IL4I1: variants seen among roughly 807,000 people sequenced by gnomAD.
IL4I1 encodes the protein interleukin 4 induced 1, also known as L-amino-acid oxidase.
IL4I1 carries 24 observed loss-of-function variants against 29.7 expected under a neutral mutation model. That is an observed-to-expected ratio of 0.81 (90% CI 0.59 to 1.14). The LOEUF is 1.14. Among genes scored for constraint, IL4I1 ranks in the 50% most tolerant of loss-of-function variants. IL4I1 has a pLI of 0.00. For missense variants in IL4I1, 686 were observed against 785.6 expected, an observed-to-expected ratio of 0.87 and a Z score of 1.52; for synonymous variants, 371 against 352.5, an observed-to-expected ratio of 1.05 and a Z score of -0.59.
At chr19:49,925,008 T>C (rs184254051) in intron 2 of IL4I1, among the ~76,000 whole-genome samples, 2 of 152,306 alleles carry the variant, frequency 1.3e-5, no homozygotes, top group East Asian at 3.9e-4. Context: ...ACGCCTGTAA[T>C]ACCAGCACTT....
In IL4I1 at chr19:49,889,927, T is replaced by C. The variant is rs2075107288; in HGVS notation, c.1447A>G (p.Thr483Ala). 6.2e-7 allele frequency: 1 copy of C among 1,607,592 alleles called. No homozygotes were observed. Among genetic ancestry groups the C allele is most frequent in the Non-Finnish European group, 8.5e-7 (1 of 1,177,554 alleles). ...TCCACCCAGCCGTGCGGGTAGGCGG[T>C]GTGCTCGCCGGCAAAGTAGATGCGG... ...YGRIYFAGEH[T>A]AYPHGWVETA... Residue 483 changes from threonine to alanine, a missense_variant, in exon 8 of 8, where the codon ACC becomes GCC. By Grantham distance (58) the Thr-to-Ala change is moderately conservative. Transcript: ENST00000391826.
At position 49,921,218 on chromosome 19, in the gene IL4I1, C is replaced by A. The variant is rs193289200; in HGVS notation, c.-228+6476G>T. Among the ~76,000 whole-genome samples, 2 of 152,144 alleles carry A rather than the reference C, an allele frequency of 1.3e-5. No individual in the cohort carries two copies. The highest frequency in any genetic ancestry group is 2.9e-5 in the Non-Finnish European group (2 of 68,024). ...TGGCTCCCATTTATAAATGAGCAAA[C>A]TGAGAAAGGGGAGAGGACTTCAGTC... On this transcript the variant is annotated intron_variant, in intron 2 of 9. Coordinates refer to the IL4I1 transcript ENST00000341114. This position sits in a 1 kb window ranked among gnomAD's most constrained non-coding sequence, Gnocchi z 5.4.
chr19:49,912,722 T>G (rs1174280826), intron 2 of IL4I1, among the ~76,000 whole-genome samples: 2 of 151,940 alleles, frequency 1.3e-5, no homozygotes, highest in Non-Finnish European at 2.9e-5. Flanking sequence ...AAAAATGAGT[T>G]GGCCGTGGTG....
At chr19:49,891,350 C>T in intron 6 of IL4I1, 55 bp downstream of exon 6, 1 of 1,573,762 alleles carries the variant, frequency 6.4e-7, no homozygotes. Flanking sequence ...CTGGGGAAGG[C>T]CTCATGGTCA....
At chr19:49,903,316 G>T (rs993675634) in intron 3 of IL4I1, among the ~76,000 whole-genome samples, 1 of 152,140 alleles carries the variant, frequency 6.6e-6, no homozygotes, top group South Asian at 2.1e-4. Context: ...TTCTTGCCTC[G>T]GGAAACCTTT....
intron 7 of IL4I1, 43 bp downstream of exon 7, chr19:49,890,928 T>TCCCCCCCCCCCCCCCCCCC: frequency 3.2e-6 from 2 of 633,210 alleles, no homozygotes; most frequent in Non-Finnish European, 4.9e-6. Flanking sequence ...TTTCCCTGAT[T>TCCCCCCCCCCCCCCCCCCC]GCCCCCCGCC....
At chr19:49,912,108 T>C (rs2075479016) in intron 2 of IL4I1, among the ~76,000 whole-genome samples, 1 of 151,414 alleles carries the variant, frequency 6.6e-6, no homozygotes. Flanking sequence ...TTTGCAACTA[T>C]GAAAAAACTA....
chr19:49,912,479 C>T (rs1486293102), intron 2 of IL4I1, among the ~76,000 whole-genome samples: 1 of 152,120 alleles, frequency 6.6e-6, no homozygotes, highest in East Asian at 1.9e-4. Context: ...AACAGTTCAC[C>T]ATTTATTAAG....
In IL4I1 at chr19:49,889,937, G is replaced by C. The variant is rs111587296; in HGVS notation, c.1437C>G (p.Ala479=). 86 of 1,604,184 alleles carry C rather than the reference G, an allele frequency of 5.4e-5. 4 individuals carry two copies. Among genetic ancestry groups the C allele is most frequent in the Middle Eastern group, 5.0e-4 (3 of 6,050 alleles). The change falls in exon 8 of 8, where the codon GCC becomes GCG. Residue 479 remains alanine (A), a synonymous_variant. Transcript: ENST00000391826. The stretch of plus-strand genomic sequence containing the variant: ...CGTGCGGGTAGGCGGTGTGCTCGCC[G>C]GCAAAGTAGATGCGGCCATAAGGGA... ...WTVPYGRIYF[A]GEHTAYPHGW... is the part of the protein sequence containing the mutation.
Position 49,889,682 on chromosome 19 carries a change from C to T in IL4I1, c.1692G>A (p.Arg564=). ...QLSLQNTTHT[R]TSH is the part of the protein sequence containing the mutation. Reference sequence around the variant, plus strand: ...TTCCGAAAATACTTTAATGCGAGGTCCTCGTGTGGGTCGTGTTTTGGAGAG... The same window carrying T: ...TTCCGAAAATACTTTAATGCGAGGTTCTCGTGTGGGTCGTGTTTTGGAGAG... The change falls in exon 8 of 8, where the codon AGG becomes AGA. Residue 564 remains arginine, a synonymous_variant. Coordinates refer to ENST00000391826, the MANE Select transcript of IL4I1 (RefSeq NM_152899.2). 2 of 1,496,924 alleles carry T rather than the reference C, an allele frequency of 1.3e-6. No homozygotes were observed. Among genetic ancestry groups the T allele is most frequent in the Non-Finnish European group, 1.8e-6 (2 of 1,121,902 alleles). 92.7% of individuals were successfully genotyped at this position (1,496,924 alleles called of 1,614,324 possible). A position where few individuals can be genotyped will look rare whatever the true frequency, so the allele number is the denominator to read the frequency against.
chr19:49,920,570 T>G (rs1351118556), intron 2 of IL4I1, among the ~76,000 whole-genome samples: 10 of 152,070 alleles, frequency 6.6e-5, no homozygotes, highest in Admixed American at 6.6e-4. Flanking sequence ...GGGAAGGGGT[T>G]GAGAGGCCTC....
Position 49,890,315 on chromosome 19 carries a change from G to A in IL4I1, c.1059C>T (p.Thr353=). 3 of 1,607,200 alleles carry A rather than the reference G, an allele frequency of 1.9e-6. No individual in the cohort carries two copies. The highest frequency in any genetic ancestry group is 2.5e-6 in the Non-Finnish European group (3 of 1,177,748). ...ALRRLHYVPA[T]KVFLSFRRPF... ...GCCTGCGGAAGCTTAGGAACACCTT[G>A]GTGGCCGGCACGTAGTGCAGCCTCC... Residue 353 remains threonine (T), a synonymous_variant, in exon 8 of 8, where the codon ACC becomes ACT. Transcript: ENST00000391826.
intron 2 of IL4I1, among the ~76,000 whole-genome samples, chr19:49,925,439 TA>T (rs1441607918): frequency 1.8e-4 from 16 of 90,568 alleles, no homozygotes; most frequent in Admixed American, 1.7e-3. Flanking sequence ...CCATCTCTAC[TA>T]AAAAAAGCCA....
intron 5 of IL4I1, 58 bp from the exon 6 acceptor site, chr19:49,891,531 G>A: frequency 6.1e-6 from 9 of 1,473,538 alleles, no homozygotes; most frequent in African/African-American, 1.4e-5. Context: ...GGTGGAGGCC[G>A]GGCCTGGAGC....
At position 49,890,028 on chromosome 19, in the gene IL4I1, T is replaced by C. The variant is rs200284411; in HGVS notation, c.1346A>G (p.His449Arg). 1.7e-4 allele frequency: 264 copies of C among 1,552,050 alleles called. 2 individuals are homozygous for C. The African/African-American group carries it at 3.5e-3, about 20-fold the overall frequency. The change falls in exon 8 of 8, where the codon CAC (histidine) becomes CGC (arginine). Residue 449 changes from histidine (H) to arginine (R), a missense_variant. By Grantham distance (29) the His-to-Arg change is conservative (BLOSUM62 0). Transcript: ENST00000391826. ...CTGTACCACAAAGCCACCCTGGCTG[T>C]GCTGGTCCTCCGCCCAACGCTTGAC... ...GVVKRWAEDQ[H>R]SQGGFVVQPP...
chr19:49,923,873 G>A (rs1020980492), intron 2 of IL4I1, among the ~76,000 whole-genome samples: 9 of 152,220 alleles, frequency 5.9e-5, no homozygotes, highest in African/African-American at 2.2e-4. Context: ...GAAGGCAGCC[G>A]AGGCTCGGCA....
intron 2 of IL4I1, among the ~76,000 whole-genome samples, chr19:49,910,210 C>T (rs1484876237): frequency 6.6e-6 from 1 of 152,092 alleles, no homozygotes. Flanking sequence ...CTGCCACAAG[C>T]GGGACTAGGA....
chr19:49,903,380 C>A (rs956357632), intron 3 of IL4I1, among the ~76,000 whole-genome samples: 4 of 152,118 alleles, frequency 2.6e-5, no homozygotes, highest in Non-Finnish European at 5.9e-5. Context: ...GGGACAAGGG[C>A]GCCCATGTGG....
chr19:49,914,716 C>G (rs74174299), intron 2 of IL4I1, among the ~76,000 whole-genome samples: 6,967 of 137,448 alleles, frequency 0.051, 212 homozygotes, highest in African/African-American at 0.058. Flanking sequence ...TTGTGCCACT[C>G]CAAGTCCCAG....
Sources: gnomAD v4.1 joint callset for allele counts (sites outside exome capture counted in the v4.1 genomes callset) on GRCh38, gnomAD v4.1.1 for gene constraint, Gnocchi (gnomAD v3.1) non-coding constraint, MANE v1.5 for transcripts, NCBI Gene and HGNC (gene_info 2026-07-23, HGNC 2026-07-21) for gene names.